Variants in PATJ observed in about 807,000 individuals in gnomAD.
PATJ encodes inaD-like protein.
PATJ carries 190 observed loss-of-function variants against 224.9 expected under a neutral mutation model. That is an observed-to-expected ratio of 0.84 (90% CI 0.75 to 0.95). The LOEUF is 0.95. PATJ is among the 40% of genes least tolerant of loss of function. The pLI, the probability that PATJ is intolerant of heterozygous loss-of-function variation, is 0.00. For missense variants in PATJ, 2,121 were observed against 2,270.3 expected (o/e 0.93, Z 1.34); for synonymous variants, 769 against 820.3 (o/e 0.94, Z 1.07).
chr1:61,833,434 T>G (rs1404628598), intron 16 of PATJ: 1 of 374,122 alleles, frequency 2.7e-6, no homozygotes, highest in Non-Finnish European at 4.7e-6. Flanking sequence ...AAAAACTGTA[T>G]GAACAGTCTG....
At chr1:62,049,697 G>A (rs928484995) in intron 30 of PATJ, among the ~76,000 whole-genome samples, 2 of 152,120 alleles carry the variant, frequency 1.3e-5, no homozygotes, top group East Asian at 1.9e-4. Context: ...GATTTTTAGT[G>A]GTATGTATTA....
intron 27 of PATJ, among the ~76,000 whole-genome samples, chr1:61,983,557 CT>C (rs1259901474): frequency 6.6e-6 from 1 of 152,014 alleles, no homozygotes; most frequent in Non-Finnish European, 1.5e-5. Flanking sequence ...CTGTCTAAAG[CT>C]TTTAGATTTC....
At chr1:61,883,614 G>A (rs1009955810) in intron 21 of PATJ, among the ~76,000 whole-genome samples, 1 of 151,758 alleles carries the variant, frequency 6.6e-6, no homozygotes, top group African/African-American at 2.4e-5. Flanking sequence ...TTGTATTTTT[G>A]CATGCAACAC....
At chr1:61,813,037 T>G (rs967822192) in intron 14 of PATJ, among the ~76,000 whole-genome samples, 1 of 151,946 alleles carries the variant, frequency 6.6e-6, no homozygotes, top group Non-Finnish European at 1.5e-5. Context: ...CATATTACTT[T>G]AGAACTCAGG....
intron 1 of PATJ, among the ~76,000 whole-genome samples, chr1:61,747,429 T>C (rs1372759747): frequency 1.3e-5 from 2 of 152,208 alleles, no homozygotes; most frequent in Non-Finnish European, 2.9e-5. Context: ...TGACAAGTCA[T>C]TTAATTCTGG....
chr1:62,107,458 C>T (rs879367990), intron 33 of PATJ, among the ~76,000 whole-genome samples: 5 of 152,082 alleles, frequency 3.3e-5, no homozygotes, highest in Non-Finnish European at 7.4e-5. Context: ...ATCCCCAAAG[C>T]GAAGAATTTC....
chr1:62,050,185 AT>A (rs1202200817), intron 30 of PATJ, among the ~76,000 whole-genome samples: 1 of 151,112 alleles, frequency 6.6e-6, no homozygotes, highest in Non-Finnish European at 1.5e-5. Flanking sequence ...AATAAAAAAA[AT>A]AAATAAAAGA....
rs1029992135 is a variant in PATJ, at chr1:61,813,354, T to G, written c.1683+4824T>G. On this transcript the variant is annotated intron_variant, in intron 14 of 43. Transcript: ENST00000642238. ...ATGTACATATATATATATATATATA[T>G]ATATATATATATATATATATATATA... 5.0e-3 allele frequency among the ~76,000 whole-genome samples: 218 copies of G among 43,650 alleles called. 4 individuals are homozygous for G. Among genetic ancestry groups the G allele is most frequent in the Middle Eastern group, 0.016 (1 of 64 alleles). 28.6% of individuals were successfully genotyped at this position (43,650 alleles called of 152,430 possible).
At chr1:61,871,444 C>CATAT in intron 20 of PATJ, among the ~76,000 whole-genome samples, 1 of 11,198 alleles carries the variant, frequency 8.9e-5, no homozygotes, top group East Asian at 7.5e-3. Flanking sequence ...TGTGTATATA[C>CATAT]ACATATATAT....
At chr1:61,746,242 T>C (rs899472421) in intron 1 of PATJ, among the ~76,000 whole-genome samples, 2 of 152,182 alleles carry the variant, frequency 1.3e-5, no homozygotes, top group Non-Finnish European at 2.9e-5. Context: ...ACGCCTGGCC[T>C]CTTTTAAAAA....
chr1:61,765,317 T>C (rs13375600), intron 3 of PATJ, among the ~76,000 whole-genome samples: 1,638 of 151,592 alleles, frequency 0.011, 43 homozygotes, highest in African/African-American at 0.038. Context: ...CCTGAAGCAG[T>C]CCTCCCACCT....
chr1:61,815,281 A>G (rs1224951474), intron 14 of PATJ, among the ~76,000 whole-genome samples: 2 of 152,178 alleles, frequency 1.3e-5, no homozygotes, highest in Admixed American at 1.3e-4. Context: ...GGTCAAACTA[A>G]GTGAAGAGCA....
intron 31 of PATJ, among the ~76,000 whole-genome samples, chr1:62,065,127 A>G (rs1656195143): frequency 6.6e-6 from 1 of 152,232 alleles, no homozygotes; most frequent in South Asian, 2.1e-4. Flanking sequence ...GTGATAAAAA[A>G]GGCTGTAGGT....
chr1:61,891,433 G>T (rs548207542), intron 22 of PATJ, among the ~76,000 whole-genome samples: 1 of 152,262 alleles, frequency 6.6e-6, no homozygotes, highest in Non-Finnish European at 1.5e-5. Context: ...GGGAGAGAAT[G>T]AATATTTGCA....
At chr1:62,136,942 C>A (rs1666968786) in intron 41 of PATJ, among the ~76,000 whole-genome samples, 1 of 152,140 alleles carries the variant, frequency 6.6e-6, no homozygotes, top group Non-Finnish European at 1.5e-5. Context: ...TCTTCTTTCG[C>A]AGGAACCTTT....
intron 14 of PATJ, among the ~76,000 whole-genome samples, chr1:61,809,629 C>T (rs111792290): frequency 0.012 from 1,878 of 152,150 alleles, 33 homozygotes; most frequent in African/African-American, 0.042. Context: ...TCAGGTAATC[C>T]ACCCACCTTG....
chr1:61,895,104 C>T (rs1287412283), intron 22 of PATJ, among the ~76,000 whole-genome samples: 1 of 152,118 alleles, frequency 6.6e-6, no homozygotes, highest in Non-Finnish European at 1.5e-5. Context: ...AGCAGCAAAG[C>T]ATTGAAGAGG....
intron 39 of PATJ, among the ~76,000 whole-genome samples, chr1:62,125,269 A>AAAAAAAAAAAAG (rs1665601235): frequency 6.7e-6 from 1 of 148,506 alleles, no homozygotes; most frequent in African/African-American, 2.5e-5. Context: ...AAAAACAAAA[A>AAAAAAAAAAAAG]AAAAACGCCA....
chr1:61,885,404 T>C (rs1668673696), intron 22 of PATJ, among the ~76,000 whole-genome samples: 1 of 152,220 alleles, frequency 6.6e-6, no homozygotes, highest in African/African-American at 2.4e-5. Context: ...AAGACATTTA[T>C]GCAGCCAAAA....
Sources: allele counts gnomAD v4.1 joint callset (sites outside exome capture counted in the v4.1 genomes callset), GRCh38; gene constraint gnomAD v4.1.1; transcripts MANE v1.5; gene names NCBI Gene and HGNC (gene_info 2026-07-23, HGNC 2026-07-21).